NICN1: variants seen among roughly 807,000 people sequenced by gnomAD.
NICN1 encodes nicolin 1, tubulin polyglutamylase complex subunit.
A neutral mutation model predicts 26.3 loss-of-function variants in NICN1; 18 were observed. That is an observed-to-expected ratio of 0.68 (90% CI 0.47 to 1.01). The LOEUF (loss-of-function observed/expected upper bound fraction) is 1.01. NICN1 is among the 50% of genes least tolerant of loss of function. The pLI is 0.00. For missense variants in NICN1, 239 were observed against 278.3 expected (o/e 0.86, Z 1.00); for synonymous variants, 109 against 111.0 (o/e 0.98, Z 0.11).
intron 1 of NICN1, 30 bp from the exon 2 acceptor site, chr3:49,426,458 T>C (rs779533283): frequency 3.2e-5 from 51 of 1,600,068 alleles, no homozygotes; most frequent in Non-Finnish European, 4.3e-5. Flanking sequence ...TTACAACAAG[T>C]CAGACCCAGG....
In NICN1 at chr3:49,422,840, A is replaced by AAGGTGGGCCAGCCTGGC; in HGVS notation, c.*1976_*1992dup. 1 of 364,908 alleles carries AAGGTGGGCCAGCCTGGC rather than the reference A, an allele frequency of 2.7e-6. No homozygotes were observed. Among genetic ancestry groups the AAGGTGGGCCAGCCTGGC allele is most frequent in the South Asian group, 2.2e-5 (1 of 45,612 alleles). The allele number at this position is 364,908 out of a possible 1,614,324, so 22.6% of individuals were successfully genotyped here. On this transcript the variant is annotated 3_prime_UTR_variant, in exon 6 of 6. Coordinates refer to ENST00000273598, the MANE Select transcript of NICN1 (RefSeq NM_032316.3). ...AGAGTAAGGTCAAGTGGGGGTGGGG[A>AAGGTGGGCCAGCCTGGC]AGGTGGGCCAGCCTGGCAGGTAGGC...
rs1559531000 is a variant in NICN1, at chr3:49,422,483, A to T, written c.*2350T>A. Reference sequence around the variant, plus strand: ...TGCAACGAGTGCAGACGGCGCACAGAGGCCACCACACTGCCAGGCACGCCG... The same window carrying T: ...TGCAACGAGTGCAGACGGCGCACAGTGGCCACCACACTGCCAGGCACGCCG... On this transcript the variant is annotated 3_prime_UTR_variant, in exon 6 of 6. Coordinates refer to ENST00000273598, the MANE Select transcript of NICN1 (RefSeq NM_032316.3). 6.2e-7 allele frequency: 1 copy of T among 1,603,412 alleles called. No individual in the cohort carries two copies. The highest frequency in any genetic ancestry group is 8.5e-7 in the Non-Finnish European group (1 of 1,173,236).
At position 49,422,430 on chromosome 3, in the gene NICN1, C is replaced by G. The variant is rs767448950; in HGVS notation, c.*2403G>C. 2 of 1,613,602 alleles carry G rather than the reference C, an allele frequency of 1.2e-6. No homozygotes were observed. The highest frequency in any genetic ancestry group is 3.3e-5 in the Admixed American group (2 of 60,018). Reference sequence around the variant, plus strand: ...GCAGGCGAAAGCCCAGACGGGCCACCACACTTACAGCCCTCTGCATCGTCG... The same window carrying G: ...GCAGGCGAAAGCCCAGACGGGCCACGACACTTACAGCCCTCTGCATCGTCG... On this transcript the variant is annotated 3_prime_UTR_variant, in exon 6 of 6. Transcript: ENST00000273598.
intron 1 of NICN1, among the ~76,000 whole-genome samples, chr3:49,427,900 G>T (rs548691166): frequency 6.6e-6 from 1 of 152,196 alleles, no homozygotes; most frequent in African/African-American, 2.4e-5. Flanking sequence ...CCCATTTGAT[G>T]GTAAGGAACA....
rs773139530 is a variant in NICN1, at chr3:49,422,574, TGGGCAGCCCCAA to T, written c.*2247_*2258del. On this transcript the variant is annotated 3_prime_UTR_variant, in exon 6 of 6. Coordinates refer to ENST00000273598, the MANE Select transcript of NICN1 (RefSeq NM_032316.3). ...CGGAGCAAAGGATCTGAAGGGGGCGTGGGCAGCCCCAAGGGCAGGCTGGGATTTAGAGCAGAG... is the reference window on the plus strand; with the variant it reads ...CGGAGCAAAGGATCTGAAGGGGGCGTGGGCAGGCTGGGATTTAGAGCAGAG... 2,023 of 1,075,224 alleles carry T rather than the reference TGGGCAGCCCCAA, an allele frequency of 1.9e-3. 3 individuals carry two copies. The highest frequency in any genetic ancestry group is 2.4e-3 in the Non-Finnish European group (1,742 of 715,508). The allele number at this position is 1,075,224 out of a possible 1,614,324, so 66.6% of individuals were successfully genotyped here. A position where few individuals can be genotyped will look rare whatever the true frequency, so the allele number is the denominator to read the frequency against.
At chr3:49,425,782 C>G in intron 3 of NICN1, 101 bp downstream of exon 3, 2 of 634,402 alleles carry the variant, frequency 3.2e-6, no homozygotes, top group Non-Finnish European at 5.6e-6. Flanking sequence ...ATGAAGGCCC[C>G]ATTCACAATC....
At chr3:49,426,843 A>G (rs763167337) in intron 1 of NICN1, among the ~76,000 whole-genome samples, 37 of 152,142 alleles carry the variant, frequency 2.4e-4, no homozygotes, top group Non-Finnish European at 3.4e-4. Flanking sequence ...CTAGGGCCCA[A>G]AGACAATTCT....
intron 3 of NICN1, 69 bp from the exon 4 acceptor site, chr3:49,425,507 C>T (rs1001774580): frequency 2.1e-5 from 28 of 1,353,756 alleles, no homozygotes; most frequent in Admixed American, 9.5e-5. Flanking sequence ...TTCCAAGGTC[C>T]TAGGAGCAGA....
In NICN1 at chr3:49,422,508, G is replaced by A. The variant is rs753743263; in HGVS notation, c.*2325C>T. Reference sequence around the variant, plus strand: ...AGGCCACCACACTGCCAGGCACGCCGGGAGATGTAGTCCAGGCCTCTGCTC... The same window carrying A: ...AGGCCACCACACTGCCAGGCACGCCAGGAGATGTAGTCCAGGCCTCTGCTC... On this transcript the variant is annotated 3_prime_UTR_variant, in exon 6 of 6. Coordinates refer to ENST00000273598, the MANE Select transcript of NICN1 (RefSeq NM_032316.3). 6.5e-7 allele frequency: 1 copy of A among 1,540,372 alleles called. No individual in the cohort carries two copies. The highest frequency in any genetic ancestry group is 8.9e-7 in the Non-Finnish European group (1 of 1,122,498).
At position 49,429,124 on chromosome 3, in the gene NICN1, C is replaced by T. The variant is rs564651403; in HGVS notation, c.116G>A (p.Ser39Asn). 6.2e-6 allele frequency: 10 copies of T among 1,608,834 alleles called. No homozygotes were observed. In the East Asian group the frequency reaches 2.3e-4, roughly 37 times the overall value. Residue 39 changes from serine to asparagine, a missense_variant, in exon 1 of 6, where the codon AGC becomes AAC. Coordinates refer to ENST00000273598, the MANE Select transcript of NICN1 (RefSeq NM_032316.3). ...CTTGCTCACCTCGAAGGGAGCGACG[C>T]TGGGGAAGGTGACATCGATGACCAG... is the stretch of plus-strand genomic sequence containing the variant. ...GVLVIDVTFP[S>N]VAPFELQEIT...
chr3:49,423,532 A>ATG lies in NICN1; in HGVS notation c.*1300_*1301insCA. The ATG allele has an allele frequency of 6.6e-6, 1 of 152,394 alleles. No individual in the cohort carries two copies. The highest frequency in any genetic ancestry group is 1.9e-4 in the East Asian group (1 of 5,174). The allele number at this position is 152,394 out of a possible 1,614,324, so 9.4% of individuals were successfully genotyped here. On this transcript the variant is annotated 3_prime_UTR_variant, in exon 6 of 6. Transcript: ENST00000273598. ...AGCACTTTGGAAGGCCAAGGCAGGC[A>ATG]GATCACCTGAGGTCAGGTGTTTGAG...
intron 3 of NICN1, among the ~76,000 whole-genome samples, chr3:49,425,643 CAA>C (rs1559532324): frequency 6.6e-6 from 1 of 152,100 alleles, no homozygotes; most frequent in African/African-American, 2.4e-5. Context: ...AACACAAGCT[CAA>C]AAGTGTCTCC....
In NICN1 at chr3:49,425,998, TGA is replaced by T; in HGVS notation, c.310-4_310-3del. On this transcript the variant is annotated splice_polypyrimidine_tract_variant and splice_region_variant and intron_variant, in intron 2 of 5. Coordinates refer to ENST00000273598, the MANE Select transcript of NICN1 (RefSeq NM_032316.3). The stretch of plus-strand genomic sequence containing the variant: ...TATTCTAGCCATGTCACACAGCATC[TGA>T]CACACACACACAAGGACCCAGCAAG... 6.3e-7 allele frequency: 1 copy of T among 1,581,414 alleles called. No individual in the cohort carries two copies. Among genetic ancestry groups the T allele is most frequent in the Non-Finnish European group, 8.7e-7 (1 of 1,151,426 alleles).
intron 1 of NICN1, among the ~76,000 whole-genome samples, chr3:49,427,317 G>A (rs1251539565): frequency 1.1e-4 from 16 of 147,492 alleles, no homozygotes; most frequent in East Asian, 8.0e-4. Context: ...AGCAAGACAC[G>A]GTCTCAAAAA....
intron 4 of NICN1, 36 bp from the exon 5 acceptor site, chr3:49,425,089 C>G (rs1483637336): frequency 2.6e-6 from 4 of 1,566,540 alleles, no homozygotes; most frequent in Non-Finnish European, 3.5e-6. Context: ...CCATGGGTCT[C>G]TCCCCAGCAG....
At chr3:49,425,144 C>A in intron 4 of NICN1, 91 bp from the exon 5 acceptor site, 1 of 1,032,732 alleles carries the variant, frequency 9.7e-7, no homozygotes, top group South Asian at 1.3e-5. Flanking sequence ...AGGGGCCCTC[C>A]AGCTGAGACC....
Position 49,426,259 on chromosome 3 carries a change from T to C in NICN1, c.302A>G (p.Lys101Arg), listed in dbSNP as rs2049169036. 2 of 1,614,010 alleles carry C rather than the reference T, an allele frequency of 1.2e-6. No individual in the cohort carries two copies. The highest frequency in any genetic ancestry group is 1.1e-5 in the South Asian group (1 of 91,048). The change falls in exon 2 of 6, where the codon AAG (lysine) becomes AGG (arginine). Residue 101 changes from lysine to arginine, a missense_variant. Coordinates refer to ENST00000273598, the MANE Select transcript of NICN1 (RefSeq NM_032316.3). ...EGAQEYVSLF[K>R]HQMLCDMARI... ...TCCTGAGGCCCAGCTGACCTGATGC[T>C]TGAACAGCGATACATACTCCTGGGC...
chr3:49,425,213 C>T, intron 4 of NICN1, 154 bp downstream of exon 4: 2 of 820,784 alleles, frequency 2.4e-6, no homozygotes. Flanking sequence ...AGCCCCACAA[C>T]AGAGATGCCT....
rs1575313646 is a variant in NICN1 at position 49,429,014 on chromosome 3, G to A, written c.132+94C>T. The A allele has an allele frequency of 9.0e-6, 11 of 1,217,434 alleles. No homozygotes were observed. The East Asian group carries it at 2.3e-4, about 26-fold the overall frequency. The allele number at this position is 1,217,434 out of a possible 1,614,324, so 75.4% of individuals were successfully genotyped here. On this transcript the variant is annotated intron_variant, in intron 1 of 5. Coordinates refer to ENST00000273598, the MANE Select transcript of NICN1 (RefSeq NM_032316.3). ...TGCAAGGGCAAGGAAGACGGCAGAG[G>A]CTTTCCCATAAAAGATTAAATGCCT... is the stretch of plus-strand genomic sequence containing the variant.
Sources: gnomAD v4.1 joint callset for allele counts (sites outside exome capture counted in the v4.1 genomes callset) on GRCh38, gnomAD v4.1.1 for gene constraint, MANE v1.5 for transcripts, NCBI Gene and HGNC (gene_info 2026-07-23, HGNC 2026-07-21) for gene names.